The following TIPARP variants were observed in gnomAD, a reference collection of about 807,000 sequenced individuals.
TIPARP encodes protein mono-ADP-ribosyltransferase TIPARP.
TIPARP carries 12 observed loss-of-function variants against 56.5 expected under a neutral mutation model. That is an observed-to-expected ratio of 0.21 (90% CI 0.14 to 0.34). TIPARP has a LOEUF of 0.34. TIPARP is among the 10% of genes least tolerant of loss of function. The pLI is 1.00. For missense variants in TIPARP, 604 were observed against 781.6 expected (o/e 0.77, Z 2.71); for synonymous variants, 296 against 265.7 (o/e 1.11, Z -1.11).
chr3:156,678,655 T>A (rs756157935), intron 2 of TIPARP, 41 bp downstream of exon 2: 1 of 1,541,306 alleles, frequency 6.5e-7, no homozygotes, highest in Non-Finnish European at 8.8e-7. Context: ...TGTTAAATGC[T>A]ATAGAGAAGG....
At chr3:156,692,342 T>C (rs1722596992) in intron 2 of TIPARP, among the ~76,000 whole-genome samples, 2 of 152,124 alleles carry the variant, frequency 1.3e-5, no homozygotes, top group Admixed American at 1.3e-4. Context: ...ACAGGACTTT[T>C]TTTGTTTTTT....
chr3:156,686,517 A>G (rs1293648675), intron 2 of TIPARP, among the ~76,000 whole-genome samples: 1 of 152,246 alleles, frequency 6.6e-6, no homozygotes, highest in Non-Finnish European at 1.5e-5. Flanking sequence ...GTCTGCTGAA[A>G]GCTGTTTACT....
intron 1 of TIPARP, chr3:156,675,746 G>C (rs898684250): frequency 6.6e-6 from 1 of 152,202 alleles, no homozygotes; most frequent in Admixed American, 6.5e-5. Context: ...AGTGCTTTTG[G>C]CCGGGAGTGC....
At chr3:156,691,841 A>T (rs1362173100) in intron 2 of TIPARP, among the ~76,000 whole-genome samples, 1 of 152,230 alleles carries the variant, frequency 6.6e-6, no homozygotes, top group East Asian at 1.9e-4. Context: ...TGATACATCA[A>T]TCCAAAGAAC....
At chr3:156,700,036 T>C (rs1722807907) in intron 4 of TIPARP, among the ~76,000 whole-genome samples, 1 of 152,128 alleles carries the variant, frequency 6.6e-6, no homozygotes, top group Non-Finnish European at 1.5e-5. Flanking sequence ...GGAAAATGTT[T>C]CTTTTTAAGT....
chr3:156,675,817 C>T (rs1404035391), intron 1 of TIPARP: 1 of 152,148 alleles, frequency 6.6e-6, no homozygotes, highest in African/African-American at 2.4e-5. Context: ...CGCTGGAGAC[C>T]GGAGGATGTG....
intron 3 of TIPARP, among the ~76,000 whole-genome samples, chr3:156,694,723 C>T (rs1452539842): frequency 2.6e-5 from 4 of 152,172 alleles, no homozygotes; most frequent in East Asian, 3.8e-4. Context: ...GATAATAGCC[C>T]TTCAGTCTCA....
chr3:156,686,195 C>G (rs1722423781), intron 2 of TIPARP, among the ~76,000 whole-genome samples: 1 of 152,146 alleles, frequency 6.6e-6, no homozygotes, highest in Non-Finnish European at 1.5e-5. Flanking sequence ...TATCCAAATG[C>G]TGGCAGACAT....
chr3:156,693,944 T>A, intron 2 of TIPARP, 76 bp from the exon 3 acceptor site: 1 of 1,442,868 alleles, frequency 6.9e-7, no homozygotes, highest in South Asian at 1.4e-5. Context: ...TAATGTCCAA[T>A]GATATTTTTA....
At chr3:156,698,704 T>C (rs932361514) in intron 4 of TIPARP, among the ~76,000 whole-genome samples, 1 of 152,236 alleles carries the variant, frequency 6.6e-6, no homozygotes, top group Non-Finnish European at 1.5e-5. Flanking sequence ...ATGCCTGCTA[T>C]ACAACATCCA....
intron 2 of TIPARP, among the ~76,000 whole-genome samples, chr3:156,679,036 T>C (rs61702298): frequency 0.031 from 4,733 of 152,292 alleles, 171 homozygotes; most frequent in East Asian, 0.11. Flanking sequence ...AAAATAGTAT[T>C]GTCGAGAGAT....
In TIPARP at chr3:156,694,097, C is replaced by G. The variant is rs1210445105; in HGVS notation, c.995C>G (p.Ser332Cys). The G allele has an allele frequency of 6.2e-7, 1 of 1,613,518 alleles. No homozygotes were observed. Among genetic ancestry groups the G allele is most frequent in the Non-Finnish European group, 8.5e-7 (1 of 1,179,742 alleles). ...GAATTTGACCAACTACGAAGGCTGT[C>G]CACACCACCCTCTAGCAATGTCAAC... ...TTEFDQLRRLSTPPSSNVNSI... is the reference protein window; with the variant it reads ...TTEFDQLRRLCTPPSSNVNSI... Residue 332 changes from serine to cysteine, a missense_variant, in exon 3 of 6, where the codon TCC becomes TGC. Around this residue, in one of 4 missense-constraint regions of TIPARP, gnomAD observed 252 missense variants for 303.9 expected, o/e 0.83. Coordinates refer to ENST00000295924, the MANE Select transcript of TIPARP (RefSeq NM_015508.5).
At chr3:156,702,575 A>G (rs1398627421) in intron 4 of TIPARP, among the ~76,000 whole-genome samples, 1 of 152,188 alleles carries the variant, frequency 6.6e-6, no homozygotes, top group Non-Finnish European at 1.5e-5. Context: ...AATGAGTGTT[A>G]TAGCACCTGG....
intron 1 of TIPARP, chr3:156,676,811 T>TAA (rs1722142799): frequency 6.6e-6 from 1 of 152,212 alleles, no homozygotes; most frequent in African/African-American, 2.4e-5. Context: ...TTTTATATTT[T>TAA]TTTTTTATTT....
chr3:156,692,549 A>C (rs1405872582), intron 2 of TIPARP, among the ~76,000 whole-genome samples: 1 of 152,150 alleles, frequency 6.6e-6, no homozygotes, highest in Non-Finnish European at 1.5e-5. Context: ...TAGTACTCTT[A>C]CTAAGCAAGA....
chr3:156,702,767 G>A (rs1185152548), intron 4 of TIPARP, among the ~76,000 whole-genome samples: 2 of 152,154 alleles, frequency 1.3e-5, no homozygotes, highest in Non-Finnish European at 2.9e-5. Context: ...GAATTTAAAG[G>A]CTCACGGATA....
rs1001237927 is a variant in TIPARP, at chr3:156,674,698, G to C, written c.-140G>C. The C allele has an allele frequency of 6.6e-6, 1 of 152,510 alleles. No individual in the cohort carries two copies. The highest frequency in any genetic ancestry group is 1.5e-5 in the Non-Finnish European group (1 of 68,134). 9.4% of individuals were successfully genotyped at this position (152,510 alleles called of 1,614,324 possible). A position where few individuals can be genotyped will look rare whatever the true frequency, so the allele number is the denominator to read the frequency against. On this transcript the variant is annotated 5_prime_UTR_variant, in exon 1 of 6. Coordinates refer to ENST00000295924, the MANE Select transcript of TIPARP (RefSeq NM_015508.5). The stretch of plus-strand genomic sequence containing the variant: ...GCGGCTCGCCGCGTCGCGGCTCTGT[G>C]GTCCCTAGACGTCGGCTCCCGCCCT...
At position 156,682,804 on chromosome 3, in the gene TIPARP, T is replaced by A. The variant is rs898461159; in HGVS notation, c.917+4190T>A. 3.3e-5 allele frequency among the ~76,000 whole-genome samples: 5 copies of A among 152,242 alleles called. No individual in the cohort carries two copies. The East Asian group carries it at 5.8e-4, about 18-fold the overall frequency. Reference sequence around the variant, plus strand: ...CAGCTGGATGAGTTTAAATTTATTTTAAAAATTTCTGCCTAAGAGAAAGAC... The same window carrying A: ...CAGCTGGATGAGTTTAAATTTATTTAAAAAATTTCTGCCTAAGAGAAAGAC... On this transcript the variant is annotated intron_variant, in intron 2 of 5. Coordinates refer to ENST00000295924, the MANE Select transcript of TIPARP (RefSeq NM_015508.5).
At position 156,674,609 on chromosome 3, in the gene TIPARP, G is replaced by C. The variant is rs1289915469; in HGVS notation, c.-229G>C. The C allele has an allele frequency of 6.6e-6, 1 of 152,646 alleles. No individual in the cohort carries two copies. The highest frequency in any genetic ancestry group is 1.5e-5 in the Non-Finnish European group (1 of 68,108). The allele number at this position is 152,646 out of a possible 1,614,324, so 9.5% of individuals were successfully genotyped here. A position where few individuals can be genotyped will look rare whatever the true frequency, so the allele number is the denominator to read the frequency against. On this transcript the variant is annotated 5_prime_UTR_variant, in exon 1 of 6. Coordinates refer to ENST00000295924, the MANE Select transcript of TIPARP (RefSeq NM_015508.5). The stretch of plus-strand genomic sequence containing the variant: ...TAAAGCAGAGATCGAGGTGACAGGC[G>C]AGCTGGCTGGACTCGGAGCGCGGTC...
Sources: allele counts gnomAD v4.1 joint callset (sites outside exome capture counted in the v4.1 genomes callset), GRCh38; gene constraint gnomAD v4.1.1; regional missense constraint gnomAD v4.1.1; transcripts MANE v1.5; gene names NCBI Gene and HGNC (gene_info 2026-07-23, HGNC 2026-07-21).